The following LHX9 variants were observed in gnomAD, a reference collection of about 807,000 sequenced individuals.
LHX9 encodes LIM homeobox 9.
LHX9 carries 9 observed loss-of-function variants against 36.5 expected under a neutral mutation model. That is an observed-to-expected ratio of 0.25 (90% CI 0.15 to 0.43). The LOEUF (loss-of-function observed/expected upper bound fraction) is 0.43, where lower values mean the gene tolerates loss of function less well. Ranked by LOEUF, LHX9 falls within the 20% of genes least tolerant of loss-of-function variation. The pLI, the probability that LHX9 is intolerant of heterozygous loss-of-function variation, is 1.00. For missense variants in LHX9, 464 were observed against 526.4 expected (o/e 0.88, Z 1.16); for synonymous variants, 211 against 212.1 (o/e 0.99, Z 0.04).
At position 197,931,703 on chromosome 1, in the gene LHX9, G is replaced by A. The variant is rs1006229291; in HGVS notation, c.*2444G>A. Reference sequence around the variant, plus strand: ...TTGAATATATTTGCTTATAACAAAAGTAATGCCCCACTGATTTGACTCAGT... The same window carrying A: ...TTGAATATATTTGCTTATAACAAAAATAATGCCCCACTGATTTGACTCAGT... On this transcript the variant is annotated 3_prime_UTR_variant, in exon 5 of 5. Transcript: ENST00000367387. 2.3e-6 allele frequency: 1 copy of A among 439,994 alleles called. No homozygotes were observed. Among genetic ancestry groups the A allele is most frequent in the African/African-American group, 2.0e-5 (1 of 50,700 alleles). The allele number at this position is 439,994 out of a possible 1,614,324, so 27.3% of individuals were successfully genotyped here.
upstream of LHX9, chr1:197,916,645 A>T (rs1477148754): frequency 8.5e-6 from 6 of 702,938 alleles, no homozygotes; most frequent in South Asian, 8.9e-5. Context: ...AATTTTCTCA[A>T]AGAAAATTGT....
upstream of LHX9, chr1:197,916,576 T>A (rs564407292): frequency 1.0e-5 from 7 of 677,982 alleles, no homozygotes; most frequent in Non-Finnish European, 5.4e-6. Context: ...AGCCGCCCTA[T>A]GGCCAAGGCG....
chr1:197,918,099 G>C, intron 1 of LHX9, 102 bp downstream of exon 1: 2 of 1,310,330 alleles, frequency 1.5e-6, no homozygotes, highest in Non-Finnish European at 2.1e-6. Flanking sequence ...GCGGGTCGTA[G>C]AGACGTCCGC....
Position 197,929,935 on chromosome 1 carries a change from T to G in LHX9, c.*676T>G, listed in dbSNP as rs1477012284. ...GTGTACAACTCTAAAAACTTTTTAC[T>G]TGGTTATTTGTTTTTCAACATTTGA... On this transcript the variant is annotated 3_prime_UTR_variant, in exon 5 of 5. Coordinates refer to ENST00000367387, the MANE Select transcript of LHX9 (RefSeq NM_020204.3). The G allele has an allele frequency of 1.0e-6, 1 of 982,216 alleles. No individual in the cohort carries two copies. Among genetic ancestry groups the G allele is most frequent in the Non-Finnish European group, 1.2e-6 (1 of 827,036 alleles). 60.8% of individuals were successfully genotyped at this position (982,216 alleles called of 1,614,324 possible). A position where few individuals can be genotyped will look rare whatever the true frequency, so the allele number is the denominator to read the frequency against.
rs1170029725 is a variant in LHX9 at position 197,921,310 on chromosome 1, C to T, written c.384C>T (p.Phe128=). ...CTCAACTCTTTCCTTCCAGAAGGTT[C>T]TCTGTGCAGAGATGTGCCCGCTGCC... ...IYCKEDYYRR[F]SVQRCARCHL... Residue 128 remains phenylalanine (F), a synonymous_variant, in exon 3 of 5, where the codon TTC becomes TTT. Transcript: ENST00000367387. This position sits in a 1 kb window ranked among gnomAD's most constrained non-coding sequence, Gnocchi z 4.6. 1.2e-6 allele frequency: 2 copies of T among 1,611,472 alleles called. No homozygotes were observed. Among genetic ancestry groups the T allele is most frequent in the Admixed American group, 1.7e-5 (1 of 59,970 alleles).
At chr1:197,918,872 C>T in intron 1 of LHX9, 1 of 147,072 alleles carries the variant, frequency 6.8e-6, no homozygotes, top group South Asian at 2.1e-4. Context: ...TTTGGTACCA[C>T]AGTAGGACTT....
At chr1:197,920,217 G>C in intron 2 of LHX9, 43 bp downstream of exon 2, 1 of 1,585,830 alleles carries the variant, frequency 6.3e-7, no homozygotes. Context: ...AGTACACCTG[G>C]AGGGGCCATC....
chr1:197,925,770 C>A (rs914241345), intron 3 of LHX9, among the ~76,000 whole-genome samples: 1 of 152,094 alleles, frequency 6.6e-6, no homozygotes. Flanking sequence ...GTTTAGGAAG[C>A]CTATGTTTTA....
Position 197,920,129 on chromosome 1 carries a change from G to A in LHX9, c.332G>A (p.Cys111Tyr), listed in dbSNP as rs1557972714. 6.2e-7 allele frequency: 1 copy of A among 1,614,250 alleles called. No homozygotes were observed. Among genetic ancestry groups the A allele is most frequent in the Non-Finnish European group, 8.5e-7 (1 of 1,180,044 alleles). Residue 111 changes from cysteine to tyrosine, a missense_variant, in exon 2 of 5, where the codon TGC (cysteine) becomes TAC (tyrosine). This residue lies in a region of LHX9 where 93 missense variants were observed against 150.3 expected (regional missense o/e 0.62). Coordinates refer to ENST00000367387, the MANE Select transcript of LHX9 (RefSeq NM_020204.3). ...CTGGCCCTCGAGTCCGAGCTCACCTGCTTTGCCAAGGACGGTAGCATTTAC... is the reference window on the plus strand; with the variant it reads ...CTGGCCCTCGAGTCCGAGCTCACCTACTTTGCCAAGGACGGTAGCATTTAC... Reference protein sequence around the residue: ...CKLALESELTCFAKDGSIYCK... With the variant: ...CKLALESELTYFAKDGSIYCK...
chr1:197,927,255 TTTC>T (rs1265903993), intron 3 of LHX9, among the ~76,000 whole-genome samples: 8 of 152,134 alleles, frequency 5.3e-5, no homozygotes, highest in Admixed American at 6.5e-5. Context: ...TAGAAAAGGG[TTTC>T]TTCTTCTCAC....
rs1345838253 is a variant in LHX9 at position 197,934,864 on chromosome 1, A to G, written c.*5605A>G. Reference sequence around the variant, plus strand: ...ACAACAGTTTTTTTTTCAGAATAATATTATGATTTACCTTATTTTAAAAAT... The same window carrying G: ...ACAACAGTTTTTTTTTCAGAATAATGTTATGATTTACCTTATTTTAAAAAT... On this transcript the variant is annotated 3_prime_UTR_variant, in exon 5 of 5. Transcript: ENST00000367387. The G allele has an allele frequency of 3.3e-5, 5 of 151,968 alleles. No individual in the cohort carries two copies. The highest frequency in any genetic ancestry group is 1.2e-4 in the African/African-American group (5 of 41,362). 9.4% of individuals were successfully genotyped at this position (151,968 alleles called of 1,614,324 possible).
In LHX9 at chr1:197,917,879, C is replaced by G. The variant is rs1185357570; in HGVS notation, c.56C>G (p.Ala19Gly). 2.7e-5 allele frequency: 43 copies of G among 1,614,130 alleles called. No homozygotes were observed. The highest frequency in any genetic ancestry group is 3.6e-5 in the Non-Finnish European group (42 of 1,180,056). Residue 19 changes from alanine (A) to glycine (G), a missense_variant, in exon 1 of 5, where the codon GCC becomes GGC. Around this residue, in one of 5 missense-constraint regions of LHX9, gnomAD observed 119 missense variants for 102.4 expected, o/e 1.16. Coordinates refer to ENST00000367387, the MANE Select transcript of LHX9 (RefSeq NM_020204.3). ...EDNSCPFRPP[A>G]MLFHGISGGH... ...AACTCGTGTCCTTTCCGCCCCCCAGCCATGCTCTTTCACGGGATCTCCGGA... is the reference window on the plus strand; with the variant it reads ...AACTCGTGTCCTTTCCGCCCCCCAGGCATGCTCTTTCACGGGATCTCCGGA...
chr1:197,919,728 G>T (rs965141605), intron 1 of LHX9, among the ~76,000 whole-genome samples: 3 of 152,222 alleles, frequency 2.0e-5, no homozygotes, highest in Non-Finnish European at 2.9e-5. Context: ...GGATGGCTGG[G>T]ATGTCTTTAG....
At chr1:197,923,760 G>T (rs1360626437) in intron 3 of LHX9, among the ~76,000 whole-genome samples, 1 of 152,118 alleles carries the variant, frequency 6.6e-6, no homozygotes, top group Admixed American at 6.6e-5. Context: ...AATAACTAGA[G>T]AGTACAAATT....
chr1:197,916,876 T>C (rs1659774847), upstream of LHX9: 4 of 665,518 alleles, frequency 6.0e-6, no homozygotes, highest in South Asian at 6.5e-5. Flanking sequence ...TGCTCAATAT[T>C]TATGCATTTC....
At chr1:197,928,893 C>CAAAAA (rs10664707) in intron 4 of LHX9, 109 bp from the exon 5 acceptor site, 31 of 1,021,464 alleles carry the variant, frequency 3.0e-5, no homozygotes, top group South Asian at 9.9e-5. Flanking sequence ...AAACCTATAT[C>CAAAAA]AAAAAAAAAA....
At chr1:197,924,177 A>G (rs779555701) in intron 3 of LHX9, among the ~76,000 whole-genome samples, 1 of 152,246 alleles carries the variant, frequency 6.6e-6, no homozygotes, top group Admixed American at 6.5e-5. Context: ...TAAAATGTAA[A>G]AAAATAAAAT....
intron 1 of LHX9, among the ~76,000 whole-genome samples, chr1:197,919,452 A>T (rs1183959616): frequency 6.6e-6 from 1 of 152,256 alleles, no homozygotes; most frequent in Non-Finnish European, 1.5e-5. Context: ...AACAAAGTCG[A>T]CCAAATTATG....
upstream of LHX9, among the ~76,000 whole-genome samples, chr1:197,915,040 A>T (rs1417485910): frequency 6.6e-6 from 1 of 152,068 alleles, no homozygotes; most frequent in Non-Finnish European, 1.5e-5. Context: ...GAGTTGTTTA[A>T]CTTTCCCTGC....
Sources: gnomAD v4.1 joint callset for allele counts (sites outside exome capture counted in the v4.1 genomes callset) on GRCh38, gnomAD v4.1.1 for gene constraint, gnomAD v4.1.1 regional missense constraint, Gnocchi (gnomAD v3.1) non-coding constraint, MANE v1.5 for transcripts, NCBI Gene and HGNC (gene_info 2026-07-23, HGNC 2026-07-21) for gene names.